Variants in TTYH3 observed in about 807,000 individuals in gnomAD.
TTYH3 encodes the protein protein tweety homolog 3.
In TTYH3, 23 loss-of-function variants were observed where a neutral mutation model predicts 68.2. The ratio of observed to expected loss-of-function variants is 0.34; its 90% CI spans 0.24 to 0.48. The LOEUF (loss-of-function observed/expected upper bound fraction) is 0.48, where lower values mean the gene tolerates loss of function less well. TTYH3 is among the 20% of genes least tolerant of loss of function. The probability of loss-of-function intolerance (pLI) is 0.99; values close to 1 mark genes in which losing one functional copy is unlikely to be tolerated. For missense variants in TTYH3, 768 were observed against 727.7 expected (o/e 1.06, Z -0.64); for synonymous variants, 360 against 332.8 (o/e 1.08, Z -0.89).
chr7:2,655,222 C>T lies in TTYH3; in HGVS notation c.1021-870C>T, dbSNP rs140016072. On this transcript the variant is annotated intron_variant, in intron 9 of 13. Transcript: ENST00000258796. The stretch of plus-strand genomic sequence containing the variant: ...AGTGCAGTGGTGTGATCTCAACTCA[C>T]GGCAAACTTCGCCTCCCGGCTGAAG... Among the ~76,000 whole-genome samples the T allele has an allele frequency of 8.1e-4, 123 of 152,318 alleles. 2 individuals carry two copies. In the East Asian group the frequency reaches 0.016, roughly 20 times the overall value.
Position 2,664,439 on chromosome 7 carries a change from G to A in TTYH3, c.*2700G>A, listed in dbSNP as rs544849785. 12 of 152,262 alleles carry A rather than the reference G, an allele frequency of 7.9e-5. No individual in the cohort carries two copies. The East Asian group carries it at 2.3e-3, about 29-fold the overall frequency. 9.4% of individuals were successfully genotyped at this position (152,262 alleles called of 1,614,324 possible). On this transcript the variant is annotated 3_prime_UTR_variant, in exon 14 of 14. Coordinates refer to ENST00000258796, the MANE Select transcript of TTYH3 (RefSeq NM_025250.3). ...CTTTGTTTTGTGTTTAACCATAATG[G>A]TTGTGTACTGAACCACTTCATATTT...
In TTYH3 at chr7:2,647,549, G is replaced by A; in HGVS notation, c.537G>A (p.Leu179=). Residue 179 remains leucine (L), a synonymous_variant, in exon 4 of 14, where the codon CTG becomes CTA. Coordinates refer to ENST00000258796, the MANE Select transcript of TTYH3 (RefSeq NM_025250.3). The part of the protein sequence containing the change: ...QRLQGLLETL[L]GYTAAIPFWR... ...TGCAGGGCCTGCTGGAGACGCTGCT[G>A]GGCTACACGGCCGCCATCCCCTTTT... 6.4e-7 allele frequency: 1 copy of A among 1,557,566 alleles called. No homozygotes were observed. The highest frequency in any genetic ancestry group is 8.7e-7 in the Non-Finnish European group (1 of 1,151,910).
At chr7:2,660,534 G>A (rs1028190256) in intron 13 of TTYH3, 14 of 985,270 alleles carry the variant, frequency 1.4e-5, no homozygotes, top group Non-Finnish European at 1.6e-5. Context: ...AGGGGTCTGC[G>A]CGTCTGCCCC....
chr7:2,656,364 C>T, intron 10 of TTYH3, 34 bp from the exon 11 acceptor site: 1 of 1,598,384 alleles, frequency 6.3e-7, no homozygotes. Flanking sequence ...CCCTCCCTGT[C>T]TCTGGATCCT....
intron 5 of TTYH3, 150 bp from the exon 6 acceptor site, chr7:2,649,417 C>G: frequency 1.3e-6 from 1 of 748,980 alleles, no homozygotes; most frequent in Admixed American, 2.4e-5. Flanking sequence ...GTGGGCAGCT[C>G]TGGCTGAGGC....
intron 7 of TTYH3, among the ~76,000 whole-genome samples, chr7:2,651,062 G>GC (rs1183425733): frequency 6.6e-6 from 1 of 152,060 alleles, no homozygotes; most frequent in African/African-American, 2.4e-5. Flanking sequence ...GGGAGTTTCG[G>GC]CCCCCTCGGG....
rs533092190 is a variant in TTYH3, at chr7:2,662,961, C to T, written c.*1222C>T. ...CAGGAGGACTGTCCTCGGGAATGAA[C>T]CTCCCGCGGGCTTTGGACTGAGGTC... On this transcript the variant is annotated 3_prime_UTR_variant, in exon 14 of 14. Coordinates refer to ENST00000258796, the MANE Select transcript of TTYH3 (RefSeq NM_025250.3). The T allele has an allele frequency of 6.6e-6, 1 of 152,420 alleles. No homozygotes were observed. Among genetic ancestry groups the T allele is most frequent in the South Asian group, 2.1e-4 (1 of 4,834 alleles). 9.4% of individuals were successfully genotyped at this position (152,420 alleles called of 1,614,324 possible).
At chr7:2,648,105 C>A in intron 5 of TTYH3, 51 bp downstream of exon 5, 1 of 1,546,462 alleles carries the variant, frequency 6.5e-7, no homozygotes. Flanking sequence ...AGGGGCAGGG[C>A]AAGGCACCAT....
chr7:2,637,113 C>T (rs941119679), intron 1 of TTYH3, among the ~76,000 whole-genome samples: 1 of 152,158 alleles, frequency 6.6e-6, no homozygotes, highest in African/African-American at 2.4e-5. Context: ...CCCCCGCCTG[C>T]CCCCCACTCG....
intron 1 of TTYH3, among the ~76,000 whole-genome samples, chr7:2,641,116 G>T (rs1024309190): frequency 2.0e-5 from 3 of 152,146 alleles, no homozygotes; most frequent in African/African-American, 7.2e-5. Context: ...CCCCAGCCCT[G>T]CCCGCTCCTC....
At chr7:2,635,605 A>G (rs1785637081) in intron 1 of TTYH3, among the ~76,000 whole-genome samples, 1 of 152,154 alleles carries the variant, frequency 6.6e-6, no homozygotes, top group Admixed American at 6.5e-5. Flanking sequence ...AGGTGGTGTT[A>G]ACTGGCTTGC....
At position 2,647,006 on chromosome 7, in the gene TTYH3, G is replaced by A; in HGVS notation, c.277G>A (p.Ala93Thr). The A allele has an allele frequency of 6.4e-7, 1 of 1,574,092 alleles. No individual in the cohort carries two copies. Among genetic ancestry groups the A allele is most frequent in the Non-Finnish European group, 8.6e-7 (1 of 1,164,630 alleles). The change falls in exon 2 of 14, where the codon GCC becomes ACC. Residue 93 changes from alanine to threonine, a missense_variant. By Grantham distance (58) the Ala-to-Thr change is moderately conservative. Transcript: ENST00000258796. ...CCCTAWCVIIATLVCSAGIAV... is the reference protein window; with the variant it reads ...CCCTAWCVIITTLVCSAGIAV... Reference sequence around the variant, plus strand: ...CTGCACGGCCTGGTGTGTCATCATCGCCACGCTGGTGTGCAGGTGAGCGCG... The same window carrying A: ...CTGCACGGCCTGGTGTGTCATCATCACCACGCTGGTGTGCAGGTGAGCGCG...
chr7:2,656,324 T>A, intron 10 of TTYH3, 74 bp from the exon 11 acceptor site: 1 of 1,577,146 alleles, frequency 6.3e-7, no homozygotes, highest in Admixed American at 1.7e-5. Context: ...CCGCCGTGGC[T>A]GGGCTGAAGG....
At chr7:2,655,472 G>C (rs1400618143) in intron 9 of TTYH3, among the ~76,000 whole-genome samples, 1 of 152,180 alleles carries the variant, frequency 6.6e-6, no homozygotes, top group Non-Finnish European at 1.5e-5. Flanking sequence ...GATTGTAGTG[G>C]GTCCTTAGAA....
intron 1 of TTYH3, among the ~76,000 whole-genome samples, chr7:2,637,758 G>A (rs1012544346): frequency 1.1e-4 from 17 of 152,204 alleles, no homozygotes; most frequent in Non-Finnish European, 2.4e-4. Context: ...TCCTGTACCC[G>A]GGCCTGCCGC....
chr7:2,641,720 G>A (rs1321468728), intron 1 of TTYH3, among the ~76,000 whole-genome samples: 2 of 152,242 alleles, frequency 1.3e-5, no homozygotes, highest in Non-Finnish European at 1.5e-5. Flanking sequence ...TAGGAATGCC[G>A]CTGGCCCGGT....
chr7:2,635,995 A>C (rs1785647278), intron 1 of TTYH3, among the ~76,000 whole-genome samples: 1 of 152,208 alleles, frequency 6.6e-6, no homozygotes, highest in East Asian at 1.9e-4. Context: ...CGCACGGGGA[A>C]TGTGCTGCCT....
At chr7:2,646,258 G>C (rs1042211715) in intron 1 of TTYH3, among the ~76,000 whole-genome samples, 1 of 152,102 alleles carries the variant, frequency 6.6e-6, no homozygotes, top group Admixed American at 6.5e-5. Flanking sequence ...CAGGTGATCC[G>C]CCCGCCTCGG....
Position 2,658,490 on chromosome 7 carries a change from G to A in TTYH3, c.1424+31G>A, listed in dbSNP as rs765429553. 14 of 1,584,622 alleles carry A rather than the reference G, an allele frequency of 8.8e-6. No homozygotes were observed. The East Asian group carries it at 1.1e-4, about 13-fold the overall frequency. On this transcript the variant is annotated intron_variant, in intron 12 of 13. Coordinates refer to ENST00000258796, the MANE Select transcript of TTYH3 (RefSeq NM_025250.3). The stretch of plus-strand genomic sequence containing the variant: ...TTGACGTGGGCCTAGTGGGGCCAGC[G>A]GACACGTCAGCTGCGGCTGAGAGCG...
Sources: gnomAD v4.1 joint callset for allele counts (sites outside exome capture counted in the v4.1 genomes callset) on GRCh38, gnomAD v4.1.1 for gene constraint, MANE v1.5 for transcripts, NCBI Gene and HGNC (gene_info 2026-07-23, HGNC 2026-07-21) for gene names.